SH3TC2: variants seen among roughly 807,000 people sequenced by gnomAD.
SH3TC2 encodes the protein SH3 domain and tetratricopeptide repeats 2.
In SH3TC2, 87 loss-of-function variants were observed where a neutral mutation model predicts 124.5. The observed-to-expected ratio is 0.70, with a 90% confidence interval of 0.59 to 0.84. The LOEUF is 0.84. SH3TC2 is among the 40% of genes least tolerant of loss of function. The pLI, the probability that SH3TC2 is intolerant of heterozygous loss-of-function variation, is 0.00. For synonymous variants in SH3TC2, 634 were observed against 628.5 expected, an observed-to-expected ratio of 1.01 and a Z score of -0.13; for missense variants, 1,536 against 1,566.4, an observed-to-expected ratio of 0.98 and a Z score of 0.33.
At chr5:149,008,172 A>G (rs1158898087) in intron 15 of SH3TC2, 1 of 155,766 alleles carries the variant, frequency 6.4e-6, no homozygotes, top group African/African-American at 2.4e-5. Context: ...ATCACAGAAT[A>G]TTACATTTAC....
Position 149,027,289 on chromosome 5 carries a change from C to A in SH3TC2, c.2443G>T (p.Ala815Ser). 6.2e-7 allele frequency: 1 copy of A among 1,614,126 alleles called. No individual in the cohort carries two copies. The highest frequency in any genetic ancestry group is 8.5e-7 in the Non-Finnish European group (1 of 1,180,052). ...AGCAGTGGCTCAAGCACATCCAAAGCCTTCTTGGCCTGGCTGGCTAAGAGA... is the reference window on the plus strand; with the variant it reads ...AGCAGTGGCTCAAGCACATCCAAAGACTTCTTGGCCTGGCTGGCTAAGAGA... ...AYLLASQAKK[A>S]LDVLEPLLCS... Residue 815 changes from alanine to serine, a missense_variant, in exon 11 of 17, where the codon GCT (alanine) becomes TCT (serine). By Grantham distance (99) the Ala-to-Ser change is moderately conservative. Transcript: ENST00000515425.
In SH3TC2 at chr5:149,028,170, C is replaced by CT; in HGVS notation, c.1561dup (p.Ser521LysfsTer43). ...ACGGGCATGGGCCCAGGTCATGTGGCTCTTCTTGGCCCACTTTCTTGATGC... is the reference window on the plus strand; with the variant it reads ...ACGGGCATGGGCCCAGGTCATGTGGCTTCTTCTTGGCCCACTTTCTTGATGC... On this transcript the variant is annotated frameshift_variant, in exon 11 of 17. Coordinates refer to ENST00000515425, the MANE Select transcript of SH3TC2 (RefSeq NM_024577.4). LOFTEE classifies it high-confidence loss of function. 1 of 1,614,176 alleles carries CT rather than the reference C, an allele frequency of 6.2e-7. No individual in the cohort carries two copies. Among genetic ancestry groups the CT allele is most frequent in the Non-Finnish European group, 8.5e-7 (1 of 1,180,040 alleles).
At position 149,031,626 on chromosome 5, in the gene SH3TC2, C is replaced by G. The variant is rs753211107; in HGVS notation, c.1063G>C (p.Asp355His). Residue 355 changes from aspartate (D) to histidine (H), a missense_variant, in exon 9 of 17, where the codon GAT becomes CAT. Asp to His is a moderately conservative substitution (Grantham distance 81). This residue lies in a region of SH3TC2 where 1,102 missense variants were observed against 1,098.6 expected (regional missense o/e 1.00). Coordinates refer to ENST00000515425, the MANE Select transcript of SH3TC2 (RefSeq NM_024577.4). ...ERCSLLALGS[D>H]KQTECSSFLH... ...AAGCTGGAACACTCAGTCTGCTTAT[C>G]ACTTCCCAGGGCCAACAGGGAGCAT... 1 of 1,614,106 alleles carries G rather than the reference C, an allele frequency of 6.2e-7. No homozygotes were observed. Among genetic ancestry groups the G allele is most frequent in the Non-Finnish European group, 8.5e-7 (1 of 1,180,036 alleles).
Position 148,990,298 on chromosome 5 carries a change from C to G in SH3TC2, c.*14413G>C, listed in dbSNP as rs1323468472. ...CCTCTTTAGAAGTACAGATATATGCCTCTCTGAGCCTTAGTTTCCTTAGTT... is the reference window on the plus strand; with the variant it reads ...CCTCTTTAGAAGTACAGATATATGCGTCTCTGAGCCTTAGTTTCCTTAGTT... On this transcript the variant is annotated 3_prime_UTR_variant, in exon 17 of 17. Transcript: ENST00000515425. Among the ~76,000 whole-genome samples, 1 of 151,616 alleles carries G rather than the reference C, an allele frequency of 6.6e-6. No individual in the cohort carries two copies. Among genetic ancestry groups the G allele is most frequent in the Non-Finnish European group, 1.5e-5 (1 of 68,026 alleles).
Position 149,007,034 on chromosome 5 carries a change from T to C in SH3TC2, c.3522A>G (p.Thr1174=), listed in dbSNP as rs762263591. Residue 1174 remains threonine, a synonymous_variant, in exon 16 of 17, where the codon ACA becomes ACG. Coordinates refer to ENST00000515425, the MANE Select transcript of SH3TC2 (RefSeq NM_024577.4). ...CATACATGTGCAGGGAGTAGTACAC[T>C]GTAGCCAGGCGGTGAAAGGCCACCA... ...QELVAFHRLA[T]VYYSLHMYEM... The C allele has an allele frequency of 4.3e-5, 70 of 1,614,106 alleles. No homozygotes were observed. Among genetic ancestry groups the C allele is most frequent in the Non-Finnish European group, 5.5e-5 (65 of 1,180,044 alleles).
chr5:149,008,782 T>C (rs1363499183), intron 15 of SH3TC2, 69 bp downstream of exon 15: 2 of 1,606,622 alleles, frequency 1.2e-6, no homozygotes, highest in African/African-American at 1.3e-5. Flanking sequence ...TGCGGTGTTA[T>C]TGCTTTGCTG....
chr5:149,031,654 C>G lies in SH3TC2; in HGVS notation c.1035G>C (p.Glu345Asp). The G allele has an allele frequency of 6.2e-7, 1 of 1,614,178 alleles. No individual in the cohort carries two copies. Among genetic ancestry groups the G allele is most frequent in the East Asian group, 2.2e-5 (1 of 44,856 alleles). ...TTCCCAGGGCCAACAGGGAGCATCTCTCCTCATCACTGAGAAAGGCAGAGT... is the reference window on the plus strand; with the variant it reads ...TTCCCAGGGCCAACAGGGAGCATCTGTCCTCATCACTGAGAAAGGCAGAGT... ...SRNSAFLSDE[E>D]RCSLLALGSD... Residue 345 changes from glutamate (E) to aspartate (D), a missense_variant, in exon 9 of 17, where the codon GAG (glutamate) becomes GAC (aspartate). Coordinates refer to ENST00000515425, the MANE Select transcript of SH3TC2 (RefSeq NM_024577.4).
In SH3TC2 at chr5:149,027,928, G is replaced by A. The variant is rs1216478444; in HGVS notation, c.1804C>T (p.Leu602=). Residue 602 remains leucine, a synonymous_variant, in exon 11 of 17, where the codon CTG becomes TTG. Coordinates refer to ENST00000515425, the MANE Select transcript of SH3TC2 (RefSeq NM_024577.4). ...LEKAGALLAC[L]PDRESSAKHE... is the part of the protein sequence containing the mutation. ...TTGGCACTAGACTCACGGTCAGGCAGGCAGGCCAGCAGGGCACCTGCCTTT... is the reference window on the plus strand; with the variant it reads ...TTGGCACTAGACTCACGGTCAGGCAAGCAGGCCAGCAGGGCACCTGCCTTT... 6.2e-7 allele frequency: 1 copy of A among 1,614,100 alleles called. No individual in the cohort carries two copies. The highest frequency in any genetic ancestry group is 8.5e-7 in the Non-Finnish European group (1 of 1,180,046).
At position 148,982,522 on chromosome 5, in the gene SH3TC2, C is replaced by T. The variant is rs1211962986; in HGVS notation, c.*22189G>A. Among the ~76,000 whole-genome samples the T allele has an allele frequency of 6.6e-6, 1 of 152,124 alleles. No individual in the cohort carries two copies. The highest frequency in any genetic ancestry group is 1.5e-5 in the Non-Finnish European group (1 of 68,016). On this transcript the variant is annotated 3_prime_UTR_variant, in exon 17 of 17. Transcript: ENST00000515425. Reference sequence around the variant, plus strand: ...ACCACTAGAGAACCAGCTAAATAAACTGTTATTCCCATCATGCAAGGAGAT... The same window carrying T: ...ACCACTAGAGAACCAGCTAAATAAATTGTTATTCCCATCATGCAAGGAGAT...
intron 12 of SH3TC2, among the ~76,000 whole-genome samples, chr5:149,013,226 C>G (rs1753813741): frequency 6.6e-6 from 1 of 152,078 alleles, no homozygotes; most frequent in South Asian, 2.1e-4. Context: ...GTGGGAGGGA[C>G]TCAGTGGGAG....
intron 1 of SH3TC2, among the ~76,000 whole-genome samples, chr5:149,059,400 T>G (rs1468097631): frequency 1.3e-5 from 2 of 152,122 alleles, no homozygotes; most frequent in Non-Finnish European, 2.9e-5. Context: ...TTCTCCTCTC[T>G]CAGCCTCTCT....
At chr5:149,022,894 G>C (rs1406499911) in intron 12 of SH3TC2, among the ~76,000 whole-genome samples, 1 of 152,150 alleles carries the variant, frequency 6.6e-6, no homozygotes, top group Non-Finnish European at 1.5e-5. Context: ...GTGAGGTTGG[G>C]TAATGAGGAG....
chr5:149,010,847 T>G (rs1392958696), intron 13 of SH3TC2, among the ~76,000 whole-genome samples: 1 of 152,206 alleles, frequency 6.6e-6, no homozygotes, highest in African/African-American at 2.4e-5. Context: ...ATGAATTTAA[T>G]ATGTAAATAA....
At chr5:149,025,651 C>A (rs1754050797) in intron 12 of SH3TC2, 1 of 152,194 alleles carries the variant, frequency 6.6e-6, no homozygotes, top group Admixed American at 6.5e-5. Context: ...AGTCTGCCCT[C>A]TGGCAAATGA....
At position 148,992,694 on chromosome 5, in the gene SH3TC2, G is replaced by A. The variant is rs1753441070; in HGVS notation, c.*12017C>T. ...GTTGGTAAAACTGAGACCTCAGGTGGGAGATGGACTTGTCCCAGTATACAC... is the reference window on the plus strand; with the variant it reads ...GTTGGTAAAACTGAGACCTCAGGTGAGAGATGGACTTGTCCCAGTATACAC... On this transcript the variant is annotated 3_prime_UTR_variant, in exon 17 of 17. Coordinates refer to ENST00000515425, the MANE Select transcript of SH3TC2 (RefSeq NM_024577.4). 6.7e-6 allele frequency among the ~76,000 whole-genome samples: 1 copy of A among 150,150 alleles called. No individual in the cohort carries two copies. Among genetic ancestry groups the A allele is most frequent in the African/African-American group, 2.4e-5 (1 of 40,832 alleles).
chr5:149,008,774 C>T (rs1488182710), intron 15 of SH3TC2, 77 bp downstream of exon 15: 15 of 1,589,892 alleles, frequency 9.4e-6, no homozygotes, highest in Admixed American at 5.0e-5. Context: ...CCAGGGCCTG[C>T]GGTGTTATTG....
In SH3TC2 at chr5:148,992,125, G is replaced by C. The variant is rs1427719737; in HGVS notation, c.*12586C>G. On this transcript the variant is annotated 3_prime_UTR_variant, in exon 17 of 17. Transcript: ENST00000515425. ...CACTAGGTAATAAGAGGTAACAATT[G>C]AACATTTAGCTGTTTCATCCAACAG... Among the ~76,000 whole-genome samples the C allele has an allele frequency of 6.6e-6, 1 of 152,200 alleles. No individual in the cohort carries two copies. Among genetic ancestry groups the C allele is most frequent in the African/African-American group, 2.4e-5 (1 of 41,452 alleles).
rs1348422301 is a variant in SH3TC2 at position 148,989,227 on chromosome 5, T to G, written c.*15484A>C. On this transcript the variant is annotated 3_prime_UTR_variant, in exon 17 of 17. Coordinates refer to ENST00000515425, the MANE Select transcript of SH3TC2 (RefSeq NM_024577.4). The stretch of plus-strand genomic sequence containing the variant: ...AAATAGCCATAATCTATTAACGACC[T>G]ATTACATTCCAGCCACCATGCTAAC... 6.6e-6 allele frequency among the ~76,000 whole-genome samples: 1 copy of G among 152,204 alleles called. No homozygotes were observed. Among genetic ancestry groups the G allele is most frequent in the African/African-American group, 2.4e-5 (1 of 41,450 alleles).
intron 12 of SH3TC2, among the ~76,000 whole-genome samples, chr5:149,016,127 C>G (rs146635026): frequency 7.2e-5 from 11 of 152,236 alleles, no homozygotes; most frequent in African/African-American, 2.6e-4. Context: ...GTGCTTTACA[C>G]GCAAAATCTC....
Sources: gnomAD v4.1 joint callset for allele counts (sites outside exome capture counted in the v4.1 genomes callset) on GRCh38, gnomAD v4.1.1 for gene constraint, gnomAD v4.1.1 regional missense constraint, MANE v1.5 for transcripts, NCBI Gene and HGNC (gene_info 2026-07-23, HGNC 2026-07-21) for gene names.